The following PTK2 variants were observed in gnomAD, a reference collection of about 807,000 sequenced individuals.
PTK2 encodes the protein focal adhesion kinase 1.
PTK2 carries 45 observed loss-of-function variants against 150.1 expected under a neutral mutation model. The observed-to-expected ratio is 0.30, with a 90% confidence interval of 0.24 to 0.38. PTK2 has a LOEUF of 0.38. Among genes scored for constraint, PTK2 ranks in the 10% least tolerant of loss-of-function variants. The pLI is 1.00. For synonymous variants in PTK2, 432 were observed against 449.2 expected, an observed-to-expected ratio of 0.96 and a Z score of 0.48; for missense variants, 919 against 1,307.3, an observed-to-expected ratio of 0.70 and a Z score of 4.58.
At chr8:140,973,333 GGA>G (rs1301032386) in intron 1 of PTK2, among the ~76,000 whole-genome samples, 1 of 152,128 alleles carries the variant, frequency 6.6e-6, no homozygotes, top group Non-Finnish European at 1.5e-5. Flanking sequence ...GGATGGGGCT[GGA>G]GAGTAAGCTC....
chr8:140,704,284 C>T (rs1014634160), intron 24 of PTK2, among the ~76,000 whole-genome samples: 17 of 152,220 alleles, frequency 1.1e-4, no homozygotes, highest in African/African-American at 4.1e-4. Context: ...GTCTCATTTA[C>T]AAGAGAGGAG....
intron 8 of PTK2, among the ~76,000 whole-genome samples, chr8:140,828,283 G>C (rs1401810777): frequency 1.3e-5 from 2 of 152,266 alleles, no homozygotes; most frequent in Admixed American, 1.3e-4. Flanking sequence ...GAGTAGGAGA[G>C]GGAACATTGA....
intron 2 of PTK2, among the ~76,000 whole-genome samples, chr8:140,903,302 G>A (rs904780859): frequency 1.3e-5 from 2 of 151,946 alleles, no homozygotes; most frequent in Admixed American, 1.3e-4. Flanking sequence ...GATGTATGGC[G>A]TTATTTCTGA....
At chr8:140,902,286 C>T (rs1168028226) in intron 2 of PTK2, among the ~76,000 whole-genome samples, 1 of 152,174 alleles carries the variant, frequency 6.6e-6, no homozygotes, top group Non-Finnish European at 1.5e-5. Context: ...CCACACGCCT[C>T]GGCCTCCAAA....
At chr8:140,921,620 G>A (rs1199130354) in intron 2 of PTK2, among the ~76,000 whole-genome samples, 1 of 152,118 alleles carries the variant, frequency 6.6e-6, no homozygotes, top group Non-Finnish European at 1.5e-5. Flanking sequence ...TACTGTCATA[G>A]TAAGTGTATA....
In PTK2 at chr8:140,896,788, C is replaced by CGGGGG. The variant is rs60747008; in HGVS notation, c.-32-6024_-32-6020dup. On this transcript the variant is annotated intron_variant, in intron 2 of 31. Transcript: ENST00000522684. ...ACGCCCCCCCTTCCCCCCAAAAAAA[C>CGGGGG]GGGGGGGGGGGGTGGGTAAAACATA... Among the ~76,000 whole-genome samples, 454 of 67,112 alleles carry CGGGGG rather than the reference C, an allele frequency of 6.8e-3. 30 individuals carry two copies. The highest frequency in any genetic ancestry group is 0.016 in the East Asian group (32 of 1,996). The allele number at this position is 67,112 out of a possible 152,430, so 44.0% of individuals were successfully genotyped here.
chr8:140,844,658 C>T (rs1271384059), intron 7 of PTK2, among the ~76,000 whole-genome samples: 1 of 152,024 alleles, frequency 6.6e-6, no homozygotes, highest in Non-Finnish European at 1.5e-5. Context: ...AGGGCTCACC[C>T]GTGTATTATT....
At position 140,770,822 on chromosome 8, in the gene PTK2, A is replaced by G. The variant is rs558536189; in HGVS notation, c.1178-6532T>C. ...CTCCTTTATAAAGAGGCAAGAGGGG[A>G]AAGAGAAAAATAGAAACAAATTATT... On this transcript the variant is annotated intron_variant, in intron 14 of 31. Coordinates refer to ENST00000522684, the Ensembl canonical transcript of PTK2. 391 of 1,181,424 alleles carry G rather than the reference A, an allele frequency of 3.3e-4. 4 individuals are homozygous for G. In the South Asian group the frequency reaches 5.4e-3, roughly 16 times the overall value. The allele number at this position is 1,181,424 out of a possible 1,614,324, so 73.2% of individuals were successfully genotyped here.
chr8:140,784,249 GT>G (rs989884364), intron 14 of PTK2, among the ~76,000 whole-genome samples: 3 of 152,160 alleles, frequency 2.0e-5, no homozygotes, highest in African/African-American at 7.2e-5. Context: ...CACTGCATTG[GT>G]GTACATGACA....
At chr8:140,678,766 G>C (rs959844710) in intron 27 of PTK2, among the ~76,000 whole-genome samples, 2 of 152,068 alleles carry the variant, frequency 1.3e-5, no homozygotes, top group Admixed American at 6.6e-5. Flanking sequence ...AGTCCAGTAG[G>C]GCAAACCGAA....
intron 3 of PTK2, among the ~76,000 whole-genome samples, chr8:140,885,071 C>T (rs2100151789): frequency 6.6e-6 from 1 of 152,162 alleles, no homozygotes; most frequent in Admixed American, 6.5e-5. Context: ...TCTTAAGCAG[C>T]ATCATACAGT....
At chr8:140,987,970 G>A (rs555098639) in intron 1 of PTK2, among the ~76,000 whole-genome samples, 38 of 151,860 alleles carry the variant, frequency 2.5e-4, no homozygotes, top group Non-Finnish European at 4.9e-4. Context: ...ACTTGAGCCT[G>A]GGAGGTTGAG....
At chr8:140,666,990 C>A (rs1348157958) in intron 30 of PTK2, among the ~76,000 whole-genome samples, 1 of 152,132 alleles carries the variant, frequency 6.6e-6, no homozygotes, top group Non-Finnish European at 1.5e-5. Context: ...CTCTGAGATA[C>A]TATGCTGAGT....
In PTK2 at chr8:140,775,315, C is replaced by G. The variant is rs149736947; in HGVS notation, c.1178-11025G>C. ...AGCCTGGGAAACATGGCAAAATACT[C>G]TCTTTACAAAAATACAAAAGCTAGT... is the stretch of plus-strand genomic sequence containing the variant. On this transcript the variant is annotated intron_variant, in intron 14 of 31. Coordinates refer to ENST00000522684, the Ensembl canonical transcript of PTK2. 8.6e-3 allele frequency among the ~76,000 whole-genome samples: 1,309 copies of G among 152,142 alleles called. 18 individuals carry two copies. Among genetic ancestry groups the G allele is most frequent in the African/African-American group, 0.03 (1,255 of 41,508 alleles).
intron 22 of PTK2, among the ~76,000 whole-genome samples, chr8:140,729,642 G>A (rs1416605677): frequency 6.6e-6 from 1 of 152,152 alleles, no homozygotes; most frequent in Non-Finnish European, 1.5e-5. Context: ...ACAAGCTGCA[G>A]GAATTCTCTG....
chr8:140,952,911 C>T (rs939269696), intron 1 of PTK2, among the ~76,000 whole-genome samples: 4 of 152,158 alleles, frequency 2.6e-5, no homozygotes, highest in Non-Finnish European at 4.4e-5. Flanking sequence ...CCGTTTTCTG[C>T]TAATTAAAAT....
chr8:140,701,999 G>T (rs534062547), intron 25 of PTK2, among the ~76,000 whole-genome samples: 1 of 151,362 alleles, frequency 6.6e-6, no homozygotes, highest in African/African-American at 2.4e-5. Flanking sequence ...GTGGTGGCTC[G>T]CACTTGTAAT....
At chr8:140,777,896 A>G (rs2100079343) in intron 14 of PTK2, among the ~76,000 whole-genome samples, 1 of 152,084 alleles carries the variant, frequency 6.6e-6, no homozygotes, top group Non-Finnish European at 1.5e-5. Flanking sequence ...TTATTAACTC[A>G]CTTTTCCTTA....
At chr8:140,940,907 T>C (rs2100175505) in intron 1 of PTK2, among the ~76,000 whole-genome samples, 2 of 152,044 alleles carry the variant, frequency 1.3e-5, no homozygotes, top group East Asian at 1.9e-4. Flanking sequence ...GAGGCAGTGG[T>C]TGCAGTGAGC....
Sources: gnomAD v4.1 joint callset for allele counts (sites outside exome capture counted in the v4.1 genomes callset) on GRCh38, gnomAD v4.1.1 for gene constraint, MANE v1.5 for transcripts, NCBI Gene and HGNC (gene_info 2026-07-23, HGNC 2026-07-21) for gene names.